PVT1: variants seen among roughly 807,000 people sequenced by gnomAD.
PVT1 encodes the protein CXCR4/PVT1 fusion.
intron 4 of PVT1, among the ~76,000 whole-genome samples, chr8:128,064,911 T>G (rs759827298): frequency 1.3e-5 from 2 of 152,218 alleles, no homozygotes; most frequent in African/African-American, 2.4e-5. Context: ...TACAAAAGCC[T>G]TATAAAAGCT....
intron 3 of PVT1, chr8:127,984,127 C>G (rs980295205): frequency 1.3e-5 from 2 of 152,156 alleles, no homozygotes; most frequent in Non-Finnish European, 2.9e-5. Context: ...GATCCACTCA[C>G]TTTGGCCTTT....
intron 5 of PVT1, among the ~76,000 whole-genome samples, chr8:128,095,079 T>C (rs1269089687): frequency 1.3e-5 from 2 of 152,174 alleles, no homozygotes; most frequent in African/African-American, 4.8e-5. Context: ...TGCTGTTGCA[T>C]AGGAGATTGC....
intron 2 of PVT1, among the ~76,000 whole-genome samples, chr8:127,879,592 G>A (rs562610151): frequency 2.0e-5 from 3 of 152,262 alleles, no homozygotes; most frequent in Admixed American, 2.0e-4. Context: ...GGCAGTGCCT[G>A]GGCTCGTATC....
chr8:128,019,284 C>G (rs770329677), intron 4 of PVT1, among the ~76,000 whole-genome samples: 2 of 152,136 alleles, frequency 1.3e-5, no homozygotes, highest in Non-Finnish European at 2.9e-5. Context: ...TATAATTGCA[C>G]CAATCTTAAA....
chr8:127,812,642 A>AAGGGAAGGGAAGGGAAGGAAGGG (rs1563611864), intron 2 of PVT1, among the ~76,000 whole-genome samples: 7 of 137,812 alleles, frequency 5.1e-5, no homozygotes, highest in Non-Finnish European at 1.1e-4. Flanking sequence ...GGAAGGAAGG[A>AAGGGAAGGGAAGGGAAGGAAGGG]AGGGAAGGGA....
chr8:127,949,350 T>C (rs1586450940), intron 3 of PVT1, among the ~76,000 whole-genome samples: 1 of 149,932 alleles, frequency 6.7e-6, no homozygotes, highest in Non-Finnish European at 1.5e-5. Flanking sequence ...ATTTGCTGCA[T>C]TGAGTTTGGA....
chr8:127,885,923 T>G (rs4733579), intron 2 of PVT1, among the ~76,000 whole-genome samples: 106,793 of 151,846 alleles, frequency 0.7, 38,406 homozygotes, highest in African/African-American at 0.86. Flanking sequence ...TCTAAAAGCT[T>G]TCAGGTAGAT....
intron 3 of PVT1, among the ~76,000 whole-genome samples, chr8:127,965,607 T>G (rs1234872443): frequency 1.3e-5 from 2 of 152,218 alleles, no homozygotes; most frequent in Non-Finnish European, 2.9e-5. Flanking sequence ...CCCTTCCTTG[T>G]TCTCTCCACT....
intron 3 of PVT1, among the ~76,000 whole-genome samples, chr8:127,980,369 G>A (rs982530260): frequency 3.3e-5 from 5 of 152,178 alleles, no homozygotes; most frequent in Admixed American, 3.3e-4. Context: ...TTATAGTCTA[G>A]GGGGTTTGGG....
At chr8:127,916,740 G>A (rs557225482) in intron 3 of PVT1, among the ~76,000 whole-genome samples, 1 of 152,172 alleles carries the variant, frequency 6.6e-6, no homozygotes, top group Non-Finnish European at 1.5e-5. Context: ...GAAGTTGTGG[G>A]CCATCACCTT....
intron 2 of PVT1, among the ~76,000 whole-genome samples, chr8:127,844,606 C>T (rs1815010085): frequency 6.6e-6 from 1 of 152,224 alleles, no homozygotes; most frequent in African/African-American, 2.4e-5. Flanking sequence ...CCTGTGTTAA[C>T]TGTGAACAGA....
chr8:127,802,520 T>C (rs1416760608), intron 2 of PVT1, among the ~76,000 whole-genome samples: 1 of 152,246 alleles, frequency 6.6e-6, no homozygotes, highest in Non-Finnish European at 1.5e-5. Context: ...CCTGCCAAGT[T>C]ATCTCATGAA....
chr8:127,885,661 G>A (rs1486274284), intron 2 of PVT1, among the ~76,000 whole-genome samples: 1 of 152,116 alleles, frequency 6.6e-6, no homozygotes, highest in Admixed American at 6.6e-5. Context: ...TTTAGGGGTC[G>A]GGGGTGTAGG....
intron 6 of PVT1, among the ~76,000 whole-genome samples, chr8:128,100,461 G>A (rs967556405): frequency 6.6e-6 from 1 of 152,138 alleles, no homozygotes; most frequent in Non-Finnish European, 1.5e-5. Context: ...TACAGGGGGA[G>A]CACACTTGAG....
At chr8:128,006,283 C>G (rs1195343240) in intron 4 of PVT1, among the ~76,000 whole-genome samples, 1 of 152,032 alleles carries the variant, frequency 6.6e-6, no homozygotes, top group Non-Finnish European at 1.5e-5. Context: ...TATTCAACAG[C>G]ATTAGTAATG....
In PVT1 at chr8:127,937,576, C is replaced by CAGAGAGAGAGAG. The variant is rs774441674; in HGVS notation, n.782+46579_782+46580insGAGAGAGAGAGA. Among the ~76,000 whole-genome samples, 903 of 122,254 alleles carry CAGAGAGAGAGAG rather than the reference C, an allele frequency of 7.4e-3. 10 individuals are homozygous for CAGAGAGAGAGAG. Among genetic ancestry groups the CAGAGAGAGAGAG allele is most frequent in the Middle Eastern group, 0.013 (3 of 238 alleles). The allele number at this position is 122,254 out of a possible 152,430, so 80.2% of individuals were successfully genotyped here. On this transcript the variant is annotated intron_variant and non_coding_transcript_variant, in intron 3 of 10. Coordinates refer to ENST00000651587, the Ensembl canonical transcript of PVT1. ...ACACACACACACACACACACACACA[C>CAGAGAGAGAGAG]ACACAGAGAGAGAGAGAGAGAGAGA...
intron 3 of PVT1, chr8:127,947,623 C>G (rs776687481): frequency 2.2e-6 from 1 of 445,546 alleles, no homozygotes; most frequent in Non-Finnish European, 4.5e-6. Flanking sequence ...GAGTCTCACC[C>G]GGCCCTGTTT....
chr8:128,051,773 T>C (rs775605512), intron 4 of PVT1, among the ~76,000 whole-genome samples: 1 of 151,794 alleles, frequency 6.6e-6, no homozygotes, highest in Non-Finnish European at 1.5e-5. Context: ...ACCACCAGAA[T>C]TTCTGTTTGG....
At chr8:128,065,233 C>A (rs192287658) in intron 4 of PVT1, among the ~76,000 whole-genome samples, 68 of 151,922 alleles carry the variant, frequency 4.5e-4, no homozygotes, top group African/African-American at 1.6e-3. Flanking sequence ...ACTCTGTCTC[C>A]CAGGCTGGAG....
Sources: allele counts gnomAD v4.1 joint callset (sites outside exome capture counted in the v4.1 genomes callset), GRCh38; gene constraint gnomAD v4.1.1; transcripts MANE v1.5; gene names NCBI Gene and HGNC (gene_info 2026-07-23, HGNC 2026-07-21).